Variants in PRR16 observed in about 807,000 individuals in gnomAD.
PRR16 encodes protein Largen.
PRR16 carries 6 observed loss-of-function variants against 18.2 expected under a neutral mutation model. The ratio of observed to expected loss-of-function variants is 0.33; its 90% CI spans 0.18 to 0.65. PRR16 has a LOEUF of 0.65. PRR16 is among the 30% of genes least tolerant of loss of function. The pLI is 0.74. For synonymous variants in PRR16, 151 were observed against 147.8 expected, an observed-to-expected ratio of 1.02 and a Z score of -0.16; for missense variants, 412 against 376.6, an observed-to-expected ratio of 1.09 and a Z score of -0.78.
chr5:120,698,190 G>C, the PRR16 span, among the ~76,000 whole-genome samples: 1 of 152,146 alleles, frequency 6.6e-6, no homozygotes, highest in East Asian at 1.9e-4. Flanking sequence ...TGGGAACCTA[G>C]AGTGGGAGAG....
intron 1 of PRR16, among the ~76,000 whole-genome samples, chr5:120,665,078 G>T (rs1756322401): frequency 7.2e-6 from 1 of 139,710 alleles, no homozygotes; most frequent in Non-Finnish European, 1.6e-5. Context: ...CACCAACAGT[G>T]TAAAAGTGTT....
chr5:120,478,812 T>G (rs1333132221), intron 1 of PRR16, among the ~76,000 whole-genome samples: 1 of 152,190 alleles, frequency 6.6e-6, no homozygotes, highest in African/African-American at 2.4e-5. Context: ...GGAGAAAGCA[T>G]GTCTACTTTT....
chr5:120,704,283 T>C, the PRR16 span, among the ~76,000 whole-genome samples: 4 of 152,264 alleles, frequency 2.6e-5, no homozygotes, highest in East Asian at 7.7e-4. Context: ...TGGGCAGCGA[T>C]GGATGGAGGG....
chr5:120,575,318 AACACACACACACAC>A (rs3047956), intron 1 of PRR16, among the ~76,000 whole-genome samples: 7 of 138,254 alleles, frequency 5.1e-5, no homozygotes, highest in African/African-American at 1.4e-4. Context: ...CAGACAAGGA[AACACACACACACAC>A]ACACACACAC....
At chr5:120,544,567 C>T (rs1246107750) in intron 1 of PRR16, among the ~76,000 whole-genome samples, 1 of 152,038 alleles carries the variant, frequency 6.6e-6, no homozygotes, top group African/African-American at 2.4e-5. Flanking sequence ...AAACTTTATA[C>T]AATAATATAT....
chr5:120,652,829 T>A (rs1194729167), intron 1 of PRR16, among the ~76,000 whole-genome samples: 2 of 151,904 alleles, frequency 1.3e-5, no homozygotes, highest in African/African-American at 4.8e-5. Context: ...TATATTTATA[T>A]TGGTTTATTA....
At chr5:120,485,885 T>C (rs536325998) in intron 1 of PRR16, among the ~76,000 whole-genome samples, 56 of 152,160 alleles carry the variant, frequency 3.7e-4, no homozygotes, top group African/African-American at 1.2e-3. Flanking sequence ...CACCTATGAG[T>C]GAGAACATGC....
At chr5:120,696,440 G>A in the PRR16 span, among the ~76,000 whole-genome samples, 14 of 152,092 alleles carry the variant, frequency 9.2e-5, no homozygotes, top group Non-Finnish European at 1.9e-4. Context: ...ATAGTTTCTT[G>A]TATTCAAGTT....
chr5:120,498,558 A>T (rs974217890), intron 1 of PRR16, among the ~76,000 whole-genome samples: 1 of 151,794 alleles, frequency 6.6e-6, no homozygotes, highest in Non-Finnish European at 1.5e-5. Flanking sequence ...ATTAAACATA[A>T]GAGAGAAAGC....
At chr5:120,668,674 T>C (rs1408769491) in intron 1 of PRR16, among the ~76,000 whole-genome samples, 1 of 152,138 alleles carries the variant, frequency 6.6e-6, no homozygotes, top group African/African-American at 2.4e-5. Context: ...TCTCAGCATT[T>C]GCTTGTCTGT....
intron 1 of PRR16, among the ~76,000 whole-genome samples, chr5:120,510,157 T>G (rs1465390120): frequency 6.6e-6 from 1 of 152,194 alleles, no homozygotes; most frequent in African/African-American, 2.4e-5. Flanking sequence ...CTTTTGTCAT[T>G]AACTTACTCT....
the PRR16 span, among the ~76,000 whole-genome samples, chr5:120,753,693 T>G: frequency 2.0e-5 from 3 of 150,652 alleles, no homozygotes; most frequent in South Asian, 6.2e-4. Context: ...TTCTTTCACA[T>G]ACATTGCCTT....
chr5:120,698,004 C>T, the PRR16 span, among the ~76,000 whole-genome samples: 4 of 152,126 alleles, frequency 2.6e-5, no homozygotes, highest in East Asian at 5.8e-4. Context: ...ACAGGGGATG[C>T]GATGGCTTGG....
intron 1 of PRR16, among the ~76,000 whole-genome samples, chr5:120,609,638 A>T (rs575123232): frequency 6.6e-6 from 1 of 152,306 alleles, no homozygotes; most frequent in South Asian, 2.1e-4. Flanking sequence ...TGAAACACTT[A>T]CACATTTTTA....
chr5:120,565,731 T>C (rs1406425195), intron 1 of PRR16, among the ~76,000 whole-genome samples: 1 of 152,254 alleles, frequency 6.6e-6, no homozygotes, highest in Non-Finnish European at 1.5e-5. Flanking sequence ...GCTTTGTTAA[T>C]TCTAAAGTGC....
At chr5:120,584,107 C>G (rs576278787) in intron 1 of PRR16, among the ~76,000 whole-genome samples, 2 of 152,098 alleles carry the variant, frequency 1.3e-5, no homozygotes, top group South Asian at 4.2e-4. Flanking sequence ...CGAAGGGAAG[C>G]CACTTGAAAA....
At chr5:120,765,759 T>C in the PRR16 span, among the ~76,000 whole-genome samples, 2 of 151,686 alleles carry the variant, frequency 1.3e-5, no homozygotes, top group Non-Finnish European at 1.5e-5. Context: ...AAAGCCCCCA[T>C]ATGCCTTTTA....
intron 1 of PRR16, among the ~76,000 whole-genome samples, chr5:120,552,904 G>C (rs1166602454): frequency 1.3e-5 from 2 of 151,710 alleles, no homozygotes; most frequent in Non-Finnish European, 2.9e-5. Context: ...AATTCAAATG[G>C]GGAGACCTGA....
intron 1 of PRR16, among the ~76,000 whole-genome samples, chr5:120,492,158 C>T (rs2112829111): frequency 7.0e-6 from 1 of 142,770 alleles, no homozygotes; most frequent in East Asian, 2.1e-4. Flanking sequence ...AATAAGGATC[C>T]ACCGCAGCCT....
Sources: gnomAD v4.1 joint callset for allele counts (sites outside exome capture counted in the v4.1 genomes callset) on GRCh38, gnomAD v4.1.1 for gene constraint, MANE v1.5 for transcripts, NCBI Gene and HGNC (gene_info 2026-07-23, HGNC 2026-07-21) for gene names.